Variants in SLC14A2 observed in about 807,000 individuals in gnomAD.
The protein encoded by SLC14A2 is urea transporter 2.
Under a neutral mutation model 104.6 loss-of-function variants are expected in SLC14A2, and 91 were observed. The ratio of observed to expected loss-of-function variants is 0.87; its 90% CI spans 0.73 to 1.04. The LOEUF is 1.04. Among genes scored for constraint, SLC14A2 ranks in the 50% least tolerant of loss-of-function variants. The pLI, the probability that SLC14A2 is intolerant of heterozygous loss-of-function variation, is 0.00. For missense variants in SLC14A2, 1,189 were observed against 1,156.0 expected, an observed-to-expected ratio of 1.03 and a Z score of -0.41; for synonymous variants, 476 against 466.4, an observed-to-expected ratio of 1.02 and a Z score of -0.27.
chr18:45,497,133 T>C (rs151159804), intron 2 of SLC14A2, among the ~76,000 whole-genome samples: 4 of 152,264 alleles, frequency 2.6e-5, no homozygotes, highest in African/African-American at 4.8e-5. Flanking sequence ...GGAGTGTGTA[T>C]ATGTGTATAT....
At chr18:45,177,924 G>A in the SLC14A2 span, among the ~76,000 whole-genome samples, 2 of 152,106 alleles carry the variant, frequency 1.3e-5, no homozygotes, top group African/African-American at 4.8e-5. Context: ...ATATCCCCAG[G>A]TTTTTCATGT....
intron 1 of SLC14A2, among the ~76,000 whole-genome samples, chr18:45,266,106 C>T (rs540615905): frequency 2.0e-5 from 3 of 152,092 alleles, no homozygotes; most frequent in Non-Finnish European, 4.4e-5. Flanking sequence ...CAGGGTGAAT[C>T]TCCTGAAGGT....
In SLC14A2 at chr18:45,235,907, A is replaced by ATATACATATATGTGTGTATGTATG. The variant is rs2084226869; in HGVS notation, c.-125+22735_-125+22736insGTATGTATACATATATGTGTGTAT. On this transcript the variant is annotated intron_variant, in intron 1 of 20. Transcript: ENST00000586448. ...TACATATATGTGTGTATGTATGTAT[A>ATATACATATATGTGTGTATGTATG]TATACATATATGTGTGTATATATGT... is the stretch of plus-strand genomic sequence containing the variant. Among the ~76,000 whole-genome samples the ATATACATATATGTGTGTATGTATG allele has an allele frequency of 1.7e-5, 2 of 118,584 alleles. 1 individual carries two copies. The highest frequency in any genetic ancestry group is 6.8e-5 in the African/African-American group (2 of 29,468). The allele number at this position is 118,584 out of a possible 152,430, so 77.8% of individuals were successfully genotyped here.
At chr18:45,390,010 T>C (rs2085942917) in intron 1 of SLC14A2, among the ~76,000 whole-genome samples, 1 of 152,148 alleles carries the variant, frequency 6.6e-6, no homozygotes. Context: ...AAATGAAAAG[T>C]GAACCTAAAA....
chr18:45,667,115 C>T, intron 13 of SLC14A2, 21 bp downstream of exon 13: 1 of 1,602,612 alleles, frequency 6.2e-7, no homozygotes, highest in Non-Finnish European at 8.5e-7. Flanking sequence ...ATGAGAACAA[C>T]ACTGACCCTG....
intron 2 of SLC14A2, among the ~76,000 whole-genome samples, chr18:45,607,931 C>A (rs553661014): frequency 6.6e-6 from 1 of 152,358 alleles, no homozygotes; most frequent in South Asian, 2.1e-4. Flanking sequence ...TAGTTTCCCC[C>A]AGAGCAAGTG....
chr18:45,466,299 G>C (rs1039241597), intron 1 of SLC14A2, among the ~76,000 whole-genome samples: 1 of 151,970 alleles, frequency 6.6e-6, no homozygotes, highest in Non-Finnish European at 1.5e-5. Context: ...AGAGGGAAAA[G>C]ATGATGGACA....
At chr18:45,625,896 C>T (rs763573209) in intron 3 of SLC14A2, 33 bp downstream of exon 3, 12 of 1,380,188 alleles carry the variant, frequency 8.7e-6, no homozygotes, top group Non-Finnish European at 9.4e-7. Context: ...GGCAGCCAGA[C>T]CAGGCCAGGC....
At chr18:45,338,533 A>T (rs2085359186) in intron 1 of SLC14A2, among the ~76,000 whole-genome samples, 1 of 151,754 alleles carries the variant, frequency 6.6e-6, no homozygotes, top group Non-Finnish European at 1.5e-5. Flanking sequence ...GAACCAATGT[A>T]TACCTTTCAT....
chr18:45,328,990 C>T (rs563911595), intron 1 of SLC14A2, among the ~76,000 whole-genome samples: 14 of 152,218 alleles, frequency 9.2e-5, no homozygotes, highest in African/African-American at 1.9e-4. Flanking sequence ...TTTCCAAAGC[C>T]GACCAGCAGA....
At chr18:45,535,005 G>A (rs2043758194) in intron 2 of SLC14A2, among the ~76,000 whole-genome samples, 1 of 152,218 alleles carries the variant, frequency 6.6e-6, no homozygotes, top group South Asian at 2.1e-4. Context: ...GCTGGTTAAT[G>A]AGACCTAAGG....
At chr18:45,447,114 G>C (rs879492168) in intron 1 of SLC14A2, 2 of 152,218 alleles carry the variant, frequency 1.3e-5, no homozygotes, top group Admixed American at 1.3e-4. Flanking sequence ...GGGAGGGATG[G>C]GGGGTGGGGG....
chr18:45,277,666 C>T (rs2084716856), intron 1 of SLC14A2, among the ~76,000 whole-genome samples: 1 of 152,196 alleles, frequency 6.6e-6, no homozygotes, highest in Non-Finnish European at 1.5e-5. Context: ...ACCTTGGCCT[C>T]CCAAAGTGTT....
intron 4 of SLC14A2, among the ~76,000 whole-genome samples, chr18:45,629,988 C>A (rs1465806283): frequency 6.6e-6 from 1 of 152,218 alleles, no homozygotes; most frequent in African/African-American, 2.4e-5. Context: ...GGAATCCTTC[C>A]TCCCCCAGGG....
intron 1 of SLC14A2, among the ~76,000 whole-genome samples, chr18:45,342,097 G>C (rs1447874168): frequency 6.6e-6 from 1 of 152,154 alleles, no homozygotes; most frequent in African/African-American, 2.4e-5. Context: ...AAAATACTGT[G>C]ACCAGAGGCT....
chr18:45,170,144 G>C, the SLC14A2 span, among the ~76,000 whole-genome samples: 1 of 152,144 alleles, frequency 6.6e-6, no homozygotes, highest in Non-Finnish European at 1.5e-5. Context: ...TCGTGGCTCG[G>C]TCACTCTGCT....
At chr18:45,460,916 T>C (rs1365223928) in intron 1 of SLC14A2, among the ~76,000 whole-genome samples, 2 of 152,192 alleles carry the variant, frequency 1.3e-5, no homozygotes, top group African/African-American at 4.8e-5. Context: ...TCACCTTTAT[T>C]TGACTTGTTT....
chr18:45,371,349 C>A (rs1216319517), intron 1 of SLC14A2, among the ~76,000 whole-genome samples: 1 of 152,138 alleles, frequency 6.6e-6, no homozygotes, highest in African/African-American at 2.4e-5. Context: ...AGGCCCTGTC[C>A]TGTAACTCTT....
At chr18:45,657,474 G>A (rs1431829296) in intron 10 of SLC14A2, among the ~76,000 whole-genome samples, 6 of 140,506 alleles carry the variant, frequency 4.3e-5, no homozygotes, top group African/African-American at 1.1e-4. Flanking sequence ...GTGACAGAGC[G>A]AGACTGTGTC....
Sources: gnomAD v4.1 joint callset for allele counts (sites outside exome capture counted in the v4.1 genomes callset) on GRCh38, gnomAD v4.1.1 for gene constraint, MANE v1.5 for transcripts, NCBI Gene and HGNC (gene_info 2026-07-23, HGNC 2026-07-21) for gene names.